Variants in PCDH15 observed in about 807,000 individuals in gnomAD.
PCDH15 encodes the protein protocadherin related 15, also known as protocadherin-15.
Under a neutral mutation model 178.5 loss-of-function variants are expected in PCDH15, and 129 were observed. That is an observed-to-expected ratio of 0.72 (90% CI 0.63 to 0.84). The LOEUF (loss-of-function observed/expected upper bound fraction) is 0.84, where lower values mean the gene tolerates loss of function less well. Among genes scored for constraint, PCDH15 ranks in the 40% least tolerant of loss-of-function variants. PCDH15 has a pLI of 0.00. For synonymous variants in PCDH15, 800 were observed against 732.0 expected (o/e 1.09, Z -1.50); for missense variants, 2,230 against 2,099.9 (o/e 1.06, Z -1.21).
At chr10:55,038,313 T>C (rs1840785055) in intron 2 of PCDH15, among the ~76,000 whole-genome samples, 1 of 152,198 alleles carries the variant, frequency 6.6e-6, no homozygotes, top group African/African-American at 2.4e-5. Context: ...CTATAAATTG[T>C]AAAATAATTC....
chr10:55,204,191 T>C lies in PCDH15; in HGVS notation c.-155-37540A>G, dbSNP rs186003534. Among the ~76,000 whole-genome samples, 731 of 149,082 alleles carry C rather than the reference T, an allele frequency of 4.9e-3. 9 individuals carry two copies. Among genetic ancestry groups the C allele is most frequent in the African/African-American group, 0.017 (679 of 40,990 alleles). ...GGATTTTATACTAATATATTTATTT[T>C]ACATATTTAATATACTCAAGGGTTT... On this transcript the variant is annotated intron_variant, in intron 1 of 5. Coordinates refer to the PCDH15 transcript ENST00000458638.
At position 53,810,306 on chromosome 10, in the gene PCDH15, A is replaced by C. The variant is rs2075818904; in HGVS notation, c.4671+250T>G. Among the ~76,000 whole-genome samples the C allele has an allele frequency of 3.3e-5, 5 of 152,168 alleles. No individual in the cohort carries two copies. In the South Asian group the frequency reaches 1.0e-3, roughly 31 times the overall value. On this transcript the variant is annotated intron_variant, in intron 37 of 37. Transcript: ENST00000644397. ...TGGAGCAAGATTTAGAATTTTAGAA[A>C]ACATAATTTTCATTGTGCCCTTTCC...
At chr10:53,917,971 C>T (rs868631516) in intron 25 of PCDH15, among the ~76,000 whole-genome samples, 25 of 152,206 alleles carry the variant, frequency 1.6e-4, no homozygotes, top group Middle Eastern at 3.4e-3. Context: ...CACTTTCCAC[C>T]ATGATTGGAA....
intron 2 of PCDH15, among the ~76,000 whole-genome samples, chr10:55,006,811 C>T (rs533613978): frequency 6.6e-5 from 10 of 152,260 alleles, no homozygotes; most frequent in South Asian, 2.1e-4. Context: ...TTCAAATTTC[C>T]GTAAGGCCTG....
intron 2 of PCDH15, among the ~76,000 whole-genome samples, chr10:55,138,481 T>C (rs537798155): frequency 7.9e-5 from 12 of 152,220 alleles, no homozygotes; most frequent in South Asian, 2.1e-4. Context: ...CCACAACTTG[T>C]AGGGAACTCT....
intron 1 of PCDH15, among the ~76,000 whole-genome samples, chr10:55,268,481 A>G (rs1478428316): frequency 6.6e-6 from 1 of 152,196 alleles, no homozygotes; most frequent in Non-Finnish European, 1.5e-5. Flanking sequence ...TTTAACATAT[A>G]GTTCATATTG....
chr10:55,173,597 T>C (rs561137052), intron 1 of PCDH15, among the ~76,000 whole-genome samples: 12 of 152,040 alleles, frequency 7.9e-5, no homozygotes, highest in Non-Finnish European at 1.6e-4. Flanking sequence ...TCTCAATTTA[T>C]CCGTTTAAAA....
intron 3 of PCDH15, among the ~76,000 whole-genome samples, chr10:54,848,226 T>C (rs560732585): frequency 6.6e-6 from 1 of 151,744 alleles, no homozygotes; most frequent in East Asian, 1.9e-4. Context: ...CTACCAAAAA[T>C]AGAAAAATTA....
At chr10:54,236,683 T>A (rs1249825100) in intron 9 of PCDH15, 140 bp downstream of exon 9, 7 of 746,050 alleles carry the variant, frequency 9.4e-6, no homozygotes, top group Admixed American at 7.0e-5. Context: ...TTATTATTTT[T>A]AAAATGTGTT....
intron 2 of PCDH15, among the ~76,000 whole-genome samples, chr10:55,560,330 C>T (rs1465861053): frequency 1.3e-5 from 2 of 151,894 alleles, no homozygotes; most frequent in Non-Finnish European, 2.9e-5. Context: ...TTTTTTCCAA[C>T]ATTGTGAATG....
intron 2 of PCDH15, among the ~76,000 whole-genome samples, chr10:55,385,201 G>A (rs1837622850): frequency 6.6e-6 from 1 of 152,018 alleles, no homozygotes; most frequent in South Asian, 2.1e-4. Flanking sequence ...GTAAAACAAG[G>A]CAGCTTTCCG....
At chr10:54,945,901 T>C (rs1373770667) in intron 2 of PCDH15, among the ~76,000 whole-genome samples, 3 of 151,920 alleles carry the variant, frequency 2.0e-5, no homozygotes, top group Non-Finnish European at 2.9e-5. Context: ...TTTGTTGTAA[T>C]GTGTGGCACC....
chr10:53,942,744 G>A (rs1033372196), intron 23 of PCDH15, among the ~76,000 whole-genome samples: 2 of 152,162 alleles, frequency 1.3e-5, no homozygotes, highest in Non-Finnish European at 2.9e-5. Context: ...AGATGAGACC[G>A]TAGCCCTGGA....
chr10:54,460,033 T>C (rs1425837204), intron 3 of PCDH15, among the ~76,000 whole-genome samples: 2 of 152,138 alleles, frequency 1.3e-5, no homozygotes, highest in African/African-American at 4.8e-5. Context: ...CCCAAGCTGT[T>C]CTTTTCCACA....
At chr10:54,452,402 AT>A (rs1157173161) in intron 3 of PCDH15, 1 of 151,968 alleles carries the variant, frequency 6.6e-6, no homozygotes, top group Non-Finnish European at 1.5e-5. Context: ...AGTTGATAGA[AT>A]TTTACCTATA....
chr10:53,938,253 A>C (rs2085746071), intron 25 of PCDH15, among the ~76,000 whole-genome samples: 1 of 152,198 alleles, frequency 6.6e-6, no homozygotes, highest in African/African-American at 2.4e-5. Flanking sequence ...CATTTAAAAA[A>C]ATAACCTTTT....
chr10:55,424,087 G>A lies in PCDH15; in HGVS notation c.-156+203538C>T, dbSNP rs117776596. Reference sequence around the variant, plus strand: ...CATGAGGCTAAGTGAAAGATGTTATGTATGACAAGATGTCAAACTCCACAA... The same window carrying A: ...CATGAGGCTAAGTGAAAGATGTTATATATGACAAGATGTCAAACTCCACAA... On this transcript the variant is annotated intron_variant, in intron 2 of 5. Coordinates refer to the PCDH15 transcript ENST00000613346. 3.1e-3 allele frequency among the ~76,000 whole-genome samples: 478 copies of A among 152,216 alleles called. 3 individuals carry two copies. The highest frequency in any genetic ancestry group is 1.0e-2 in the Admixed American group (152 of 15,260).
chr10:54,887,252 C>T (rs1389620998), intron 3 of PCDH15, among the ~76,000 whole-genome samples: 3 of 152,160 alleles, frequency 2.0e-5, no homozygotes, highest in African/African-American at 7.2e-5. Context: ...CTTTTTAGAG[C>T]ACCTCACATC....
chr10:54,210,850 G>C (rs2051351469), intron 10 of PCDH15, among the ~76,000 whole-genome samples: 1 of 151,764 alleles, frequency 6.6e-6, no homozygotes, highest in African/African-American at 2.4e-5. Context: ...ATGAAAATCA[G>C]AGGAAACATG....
Sources: gnomAD v4.1 joint callset for allele counts (sites outside exome capture counted in the v4.1 genomes callset) on GRCh38, gnomAD v4.1.1 for gene constraint, MANE v1.5 for transcripts, NCBI Gene and HGNC (gene_info 2026-07-23, HGNC 2026-07-21) for gene names.